Variants in TCF7L1 observed in about 807,000 individuals in gnomAD.
The protein encoded by TCF7L1 is transcription factor 7-like 1.
Under a neutral mutation model 63.7 loss-of-function variants are expected in TCF7L1, and 18 were observed. That is an observed-to-expected ratio of 0.28 (90% CI 0.20 to 0.42). The LOEUF (loss-of-function observed/expected upper bound fraction) is 0.42, where lower values mean the gene tolerates loss of function less well. Among genes scored for constraint, TCF7L1 ranks in the 10% least tolerant of loss-of-function variants. The pLI, the probability that TCF7L1 is intolerant of heterozygous loss-of-function variation, is 1.00. For missense variants in TCF7L1, 654 were observed against 779.3 expected (o/e 0.84, Z 1.91); for synonymous variants, 355 against 340.9 (o/e 1.04, Z -0.46).
In TCF7L1 at chr2:85,292,185, T is replaced by C. The variant is rs1681739844; in HGVS notation, c.525+8607T>C. On this transcript the variant is annotated intron_variant, in intron 4 of 11. Coordinates refer to ENST00000282111, the MANE Select transcript of TCF7L1 (RefSeq NM_031283.3). Reference sequence around the variant, plus strand: ...ACAGGCGCCCGCCACTACGCCCGGCTAATTTTTTGTATTTTTAGTAGAGAC... The same window carrying C: ...ACAGGCGCCCGCCACTACGCCCGGCCAATTTTTTGTATTTTTAGTAGAGAC... Among the ~76,000 whole-genome samples the C allele has an allele frequency of 4.1e-5, 2 of 48,526 alleles. 1 individual carries two copies. Among genetic ancestry groups the C allele is most frequent in the Non-Finnish European group, 6.0e-5 (2 of 33,540 alleles). The allele number at this position is 48,526 out of a possible 152,430, so 31.8% of individuals were successfully genotyped here.
chr2:85,252,392 A>G (rs1680612584), intron 3 of TCF7L1, among the ~76,000 whole-genome samples: 1 of 152,206 alleles, frequency 6.6e-6, no homozygotes, highest in African/African-American at 2.4e-5. Flanking sequence ...CCCTGTGATA[A>G]TTTATAGCCA....
chr2:85,305,534 C>G (rs371443940), intron 8 of TCF7L1, 131 bp downstream of exon 8: 2 of 1,126,514 alleles, frequency 1.8e-6, no homozygotes, highest in South Asian at 3.3e-5. Flanking sequence ...GCCTCCCCAG[C>G]CAGGCCCTCC....
chr2:85,304,626 C>T (rs531651597), intron 7 of TCF7L1, among the ~76,000 whole-genome samples: 2 of 152,318 alleles, frequency 1.3e-5, no homozygotes, highest in East Asian at 1.9e-4. Flanking sequence ...AGATGCTCCC[C>T]GACTTAGGAT....
At chr2:85,198,373 G>T (rs909306891) in intron 3 of TCF7L1, among the ~76,000 whole-genome samples, 4 of 152,166 alleles carry the variant, frequency 2.6e-5, no homozygotes, top group African/African-American at 9.7e-5. Context: ...CCTTGAGCTG[G>T]CAAGTAGGGA....
At chr2:85,151,784 C>T (rs559529702) in intron 3 of TCF7L1, among the ~76,000 whole-genome samples, 1 of 152,030 alleles carries the variant, frequency 6.6e-6, no homozygotes, top group East Asian at 1.9e-4. Flanking sequence ...TACAAGGTGC[C>T]CAGTTAATTA....
At chr2:85,142,432 ATGTG>A (rs138067915) in intron 3 of TCF7L1, among the ~76,000 whole-genome samples, 19,027 of 137,736 alleles carry the variant, frequency 0.14, 1,430 homozygotes, top group Middle Eastern at 0.19. Flanking sequence ...AAAAAAAAAA[ATGTG>A]TGTGTGTGTG....
intron 3 of TCF7L1, among the ~76,000 whole-genome samples, chr2:85,265,522 G>T (rs1680947171): frequency 6.6e-6 from 1 of 152,112 alleles, no homozygotes; most frequent in African/African-American, 2.4e-5. Flanking sequence ...CCAGGGCGGG[G>T]CTGTAGAGTG....
intron 3 of TCF7L1, among the ~76,000 whole-genome samples, chr2:85,155,939 A>G (rs1301246094): frequency 6.6e-6 from 1 of 152,228 alleles, no homozygotes; most frequent in Non-Finnish European, 1.5e-5. Flanking sequence ...CTTGGTTTTC[A>G]AGTTCAAGTT....
intron 3 of TCF7L1, among the ~76,000 whole-genome samples, chr2:85,161,150 G>T (rs1326267441): frequency 6.6e-6 from 1 of 152,140 alleles, no homozygotes; most frequent in African/African-American, 2.4e-5. Context: ...CAGCTTCAAC[G>T]CATGAACCAG....
At chr2:85,285,667 C>G (rs962973837) in intron 4 of TCF7L1, among the ~76,000 whole-genome samples, 1 of 152,184 alleles carries the variant, frequency 6.6e-6, no homozygotes, top group African/African-American at 2.4e-5. Flanking sequence ...GCCAGTCAGC[C>G]CTGGTGGAGG....
chr2:85,140,816 G>A (rs567316600), intron 3 of TCF7L1, among the ~76,000 whole-genome samples: 29 of 152,138 alleles, frequency 1.9e-4, no homozygotes, highest in South Asian at 1.9e-3. Context: ...AGCTGAGATC[G>A]CACCATTGCA....
chr2:85,200,595 A>G (rs970091244), intron 3 of TCF7L1, among the ~76,000 whole-genome samples: 26 of 152,208 alleles, frequency 1.7e-4, no homozygotes, highest in Non-Finnish European at 3.4e-4. Flanking sequence ...AAGCAATTCA[A>G]CTTTTTCCTG....
intron 4 of TCF7L1, among the ~76,000 whole-genome samples, chr2:85,301,401 G>C (rs1681969185): frequency 6.6e-6 from 1 of 152,194 alleles, no homozygotes; most frequent in Non-Finnish European, 1.5e-5. Flanking sequence ...CTGGTGCTGT[G>C]TTTGTAATGC....
chr2:85,243,946 A>G (rs1370661183), intron 3 of TCF7L1, among the ~76,000 whole-genome samples: 1 of 152,132 alleles, frequency 6.6e-6, no homozygotes, highest in Non-Finnish European at 1.5e-5. Context: ...GAACAGGCAA[A>G]CTGTGGGATC....
intron 3 of TCF7L1, among the ~76,000 whole-genome samples, chr2:85,152,784 A>G (rs142188832): frequency 2.5e-4 from 38 of 151,614 alleles, no homozygotes; most frequent in African/African-American, 8.0e-4. Context: ...CTGTTCATCA[A>G]TCCCCCTACT....
chr2:85,203,401 C>T (rs183422581), intron 3 of TCF7L1, among the ~76,000 whole-genome samples: 2 of 152,234 alleles, frequency 1.3e-5, no homozygotes, highest in Non-Finnish European at 2.9e-5. Context: ...ATACATCAGA[C>T]TCAGCTAAAT....
intron 4 of TCF7L1, among the ~76,000 whole-genome samples, chr2:85,299,178 C>G (rs1384824578): frequency 6.6e-6 from 1 of 151,924 alleles, no homozygotes; most frequent in Non-Finnish European, 1.5e-5. Context: ...AAATACAGCA[C>G]ATGAGCAATC....
At chr2:85,287,971 C>T (rs771813564) in intron 4 of TCF7L1, among the ~76,000 whole-genome samples, 5 of 152,224 alleles carry the variant, frequency 3.3e-5, no homozygotes, top group South Asian at 2.1e-4. Flanking sequence ...TTCATAGAGT[C>T]GTTGTGCGAA....
At chr2:85,172,800 C>T (rs182051669) in intron 3 of TCF7L1, among the ~76,000 whole-genome samples, 22 of 152,276 alleles carry the variant, frequency 1.4e-4, no homozygotes, top group African/African-American at 4.1e-4. Flanking sequence ...TTAACCGTCA[C>T]CTCCTCAGTG....
Sources: allele counts gnomAD v4.1 joint callset (sites outside exome capture counted in the v4.1 genomes callset), GRCh38; gene constraint gnomAD v4.1.1; transcripts MANE v1.5; gene names NCBI Gene and HGNC (gene_info 2026-07-23, HGNC 2026-07-21).